LAMA2: variants seen among roughly 807,000 people sequenced by gnomAD.
LAMA2 encodes the protein laminin subunit alpha-2.
A neutral mutation model predicts 364.8 loss-of-function variants in LAMA2; 269 were observed. The observed-to-expected ratio is 0.74, with a 90% CI of 0.67 to 0.82. LAMA2 has a LOEUF of 0.82. LAMA2 is among the 40% of genes least tolerant of loss of function. LAMA2 has a pLI of 0.00. For missense variants in LAMA2, 3,807 were observed against 3,873.2 expected, an observed-to-expected ratio of 0.98 and a Z score of 0.45; for synonymous variants, 1,379 against 1,370.6, an observed-to-expected ratio of 1.01 and a Z score of -0.14.
chr6:129,018,699 G>C (rs1465227881), intron 1 of LAMA2, among the ~76,000 whole-genome samples: 3 of 151,874 alleles, frequency 2.0e-5, no homozygotes, highest in Non-Finnish European at 4.4e-5. Context: ...ATCATCAATT[G>C]ACATTCCTTT....
At chr6:129,329,717 G>A (rs1004021318) in intron 29 of LAMA2, among the ~76,000 whole-genome samples, 2 of 152,094 alleles carry the variant, frequency 1.3e-5, no homozygotes, top group Admixed American at 6.6e-5. Context: ...GAAGGTGGGG[G>A]CAGGTTTTCC....
At chr6:129,479,211 A>G (rs1225494418) in intron 54 of LAMA2, among the ~76,000 whole-genome samples, 3 of 152,148 alleles carry the variant, frequency 2.0e-5, no homozygotes, top group Non-Finnish European at 4.4e-5. Flanking sequence ...AAGTTTACAC[A>G]AGTAGCAAGT....
At chr6:128,974,357 A>G (rs1401608320) in intron 1 of LAMA2, among the ~76,000 whole-genome samples, 1 of 152,200 alleles carries the variant, frequency 6.6e-6, no homozygotes, top group East Asian at 1.9e-4. Flanking sequence ...AGAAAAATCA[A>G]TTATTTAGGT....
At chr6:129,272,973 C>A (rs1335052033) in intron 17 of LAMA2, among the ~76,000 whole-genome samples, 1 of 152,110 alleles carries the variant, frequency 6.6e-6, no homozygotes, top group Admixed American at 6.6e-5. Flanking sequence ...TTTTGGGGAC[C>A]ACTGGTTAAT....
intron 13 of LAMA2, among the ~76,000 whole-genome samples, chr6:129,251,040 T>TTCTCTCTCTCTCTCTCTCTCTCTCTCTC (rs66896334): frequency 1.6e-4 from 10 of 61,666 alleles, no homozygotes; most frequent in Admixed American, 2.1e-4. Flanking sequence ...GTCTCTCTCT[T>TTCTCTCTCTCTCTCTCTCTCTCTCTCTC]TCTCTCTCTC....
At chr6:129,117,442 T>C (rs1475524413) in intron 4 of LAMA2, among the ~76,000 whole-genome samples, 1 of 152,202 alleles carries the variant, frequency 6.6e-6, no homozygotes, top group Non-Finnish European at 1.5e-5. Flanking sequence ...GGATGGGCGC[T>C]TTGTGTGTCC....
rs144537269 is a variant in LAMA2, at chr6:129,103,290, A to G, written c.639+4875A>G. On this transcript the variant is annotated intron_variant, in intron 4 of 64. Transcript: ENST00000421865. ...TAGAAGCGAAGTTGCACATGCATTTAATTTTTTTTATTTTGGAATTATGTT... is the reference window on the plus strand; with the variant it reads ...TAGAAGCGAAGTTGCACATGCATTTGATTTTTTTTATTTTGGAATTATGTT... 1.6e-3 allele frequency among the ~76,000 whole-genome samples: 237 copies of G among 152,302 alleles called. 3 individuals are homozygous for G. Among genetic ancestry groups the G allele is most frequent in the African/African-American group, 5.5e-3 (227 of 41,572 alleles).
chr6:129,255,404 TCAAAAAAAA>T (rs1786579044), intron 14 of LAMA2, among the ~76,000 whole-genome samples: 1 of 19,984 alleles, frequency 5.0e-5, no homozygotes. Context: ...AGACTCTGTC[TCAAAAAAAA>T]AAAAAAAAAA....
intron 30 of LAMA2, among the ~76,000 whole-genome samples, chr6:129,348,638 T>G (rs997127217): frequency 3.3e-5 from 5 of 152,050 alleles, no homozygotes; most frequent in Non-Finnish European, 7.4e-5. Context: ...GTAAAAACAT[T>G]GGGGAAGTTT....
intron 36 of LAMA2, among the ~76,000 whole-genome samples, chr6:129,392,727 T>A (rs1341066814): frequency 3.3e-5 from 5 of 152,236 alleles, no homozygotes; most frequent in African/African-American, 1.2e-4. Context: ...GTGGATTGTT[T>A]GATTTTGGTA....
chr6:129,056,328 C>T (rs192473594), intron 2 of LAMA2, among the ~76,000 whole-genome samples: 1 of 152,268 alleles, frequency 6.6e-6, no homozygotes, highest in African/African-American at 2.4e-5. Flanking sequence ...TATTTGCTGT[C>T]ATCATAAAGA....
chr6:129,508,409 T>C lies in LAMA2; in HGVS notation c.8857+767T>C, dbSNP rs183169579. Among the ~76,000 whole-genome samples the C allele has an allele frequency of 2.5e-3, 328 of 129,272 alleles. 3 individuals carry two copies. Among genetic ancestry groups the C allele is most frequent in the Non-Finnish European group, 6.7e-4 (40 of 59,756 alleles). 84.8% of individuals were successfully genotyped at this position (129,272 alleles called of 152,430 possible). ...TTATACTCTTTTAGTTATTTTTAAA[T>C]GTACAATTATTTTTTTTTTTTTACT... On this transcript the variant is annotated intron_variant, in intron 62 of 64. Transcript: ENST00000421865.
intron 20 of LAMA2, among the ~76,000 whole-genome samples, chr6:129,297,020 T>C (rs963431896): frequency 2.0e-5 from 3 of 152,218 alleles, no homozygotes; most frequent in African/African-American, 7.2e-5. Context: ...AATGAAAGTT[T>C]ACTTACCTGA....
In LAMA2 at chr6:129,507,791, T is replaced by C. The variant is rs1390059290; in HGVS notation, c.8857+149T>C. 3.8e-6 allele frequency: 3 copies of C among 784,386 alleles called. No individual in the cohort carries two copies. The African/African-American group carries it at 5.3e-5, about 14-fold the overall frequency. 48.6% of individuals were successfully genotyped at this position (784,386 alleles called of 1,614,324 possible). On this transcript the variant is annotated intron_variant, in intron 62 of 64. Coordinates refer to ENST00000421865, the MANE Select transcript of LAMA2 (RefSeq NM_000426.4). ...AAACTTATGGAAGTAATTTCAAAAA[T>C]GCCTCTTAAAAATTCATGTATCTGA...
In LAMA2 at chr6:129,393,147, CA is replaced by C. The variant is rs1423432874; in HGVS notation, c.5342del (p.Asn1781ThrfsTer10). ...KDLREKLADY[K>X]NKVDDAWDLL... ...ATCTCCGGGAAAAACTGGCTGACTACAAAAACAAAGTTGATGATGCTTGGGA... is the reference window on the plus strand; with the variant it reads ...ATCTCCGGGAAAAACTGGCTGACTACAAAACAAAGTTGATGATGCTTGGGA... On this transcript the variant is annotated frameshift_variant, in exon 37 of 65. Coordinates refer to ENST00000421865, the MANE Select transcript of LAMA2 (RefSeq NM_000426.4). LOFTEE classifies it high-confidence loss of function. 4 of 1,613,970 alleles carry C rather than the reference CA, an allele frequency of 2.5e-6. No individual in the cohort carries two copies. The highest frequency in any genetic ancestry group is 3.4e-6 in the Non-Finnish European group (4 of 1,179,926).
rs1254620771 is a variant in LAMA2 at position 129,252,713 on chromosome 6, A to G, written c.2096+418A>G. Among the ~76,000 whole-genome samples the G allele has an allele frequency of 3.3e-5, 5 of 152,208 alleles. No individual in the cohort carries two copies. The East Asian group carries it at 9.6e-4, about 29-fold the overall frequency. ...GTTAACTAGTTTCTGGCTTAATAGT[A>G]TATAGATTGTAATAAGAAAAGTAAG... is the stretch of plus-strand genomic sequence containing the variant. On this transcript the variant is annotated intron_variant, in intron 14 of 64. Transcript: ENST00000421865.
intron 27 of LAMA2, among the ~76,000 whole-genome samples, chr6:129,319,683 A>G (rs1774833285): frequency 6.6e-6 from 1 of 152,216 alleles, no homozygotes; most frequent in Non-Finnish European, 1.5e-5. Flanking sequence ...TCAGAAATCC[A>G]CATATAACTT....
intron 2 of LAMA2, among the ~76,000 whole-genome samples, chr6:129,055,182 A>AT (rs146460146): frequency 0.3 from 42,543 of 142,364 alleles, 6,646 homozygotes; most frequent in African/African-American, 0.42. Flanking sequence ...ATTATTTATT[A>AT]TTATTATTAT....
At chr6:129,372,059 C>T (rs1410746047) in intron 34 of LAMA2, among the ~76,000 whole-genome samples, 1 of 152,094 alleles carries the variant, frequency 6.6e-6, no homozygotes, top group Non-Finnish European at 1.5e-5. Context: ...GTGTAAAGTT[C>T]AGAGTGTTCT....
Sources: gnomAD v4.1 joint callset for allele counts (sites outside exome capture counted in the v4.1 genomes callset) on GRCh38, gnomAD v4.1.1 for gene constraint, MANE v1.5 for transcripts, NCBI Gene and HGNC (gene_info 2026-07-23, HGNC 2026-07-21) for gene names.